Variants in TMBIM4 observed in about 807,000 individuals in gnomAD.
TMBIM4 encodes the protein protein lifeguard 4.
A neutral mutation model predicts 27.7 loss-of-function variants in TMBIM4; 28 were observed. The observed-to-expected ratio is 1.01, with a 90% CI of 0.75 to 1.38. The LOEUF (loss-of-function observed/expected upper bound fraction) is 1.38, where lower values mean the gene tolerates loss of function less well. Ranked by LOEUF, TMBIM4 falls within the 40% of genes most tolerant of loss-of-function variation. The probability of loss-of-function intolerance (pLI) is 0.00; values close to 1 mark genes in which losing one functional copy is unlikely to be tolerated. For missense variants in TMBIM4, 265 were observed against 277.5 expected (o/e 0.95, Z 0.32); for synonymous variants, 115 against 113.1 (o/e 1.02, Z -0.11).
chr12:66,156,220 C>A (rs1039320345), intron 1 of TMBIM4, among the ~76,000 whole-genome samples: 5 of 152,134 alleles, frequency 3.3e-5, no homozygotes, highest in African/African-American at 1.2e-4. Flanking sequence ...TTTGTTGAGT[C>A]CTGATTTCTT....
chr12:66,161,497 T>G (rs1329432710), intron 1 of TMBIM4, among the ~76,000 whole-genome samples: 1 of 152,194 alleles, frequency 6.6e-6, no homozygotes, highest in Non-Finnish European at 1.5e-5. Flanking sequence ...CCTCCCAAAG[T>G]TCTAGAATTA....
At chr12:66,146,213 G>C (rs1322393121) in intron 4 of TMBIM4, among the ~76,000 whole-genome samples, 1 of 152,154 alleles carries the variant, frequency 6.6e-6, no homozygotes, top group Non-Finnish European at 1.5e-5. Context: ...AATGACTGGA[G>C]AGCTATCACG....
At chr12:66,155,098 T>C (rs2051909658) in intron 1 of TMBIM4, among the ~76,000 whole-genome samples, 1 of 152,140 alleles carries the variant, frequency 6.6e-6, no homozygotes, top group South Asian at 2.1e-4. Context: ...AAAAGCAGAG[T>C]AAAGAATATA....
chr12:66,137,170 T>C lies in TMBIM4; in HGVS notation c.*790A>G, dbSNP rs1261322992. The C allele has an allele frequency of 6.6e-6, 1 of 152,232 alleles. No homozygotes were observed. The highest frequency in any genetic ancestry group is 1.5e-5 in the Non-Finnish European group (1 of 68,034). 9.4% of individuals were successfully genotyped at this position (152,232 alleles called of 1,614,324 possible). A position where few individuals can be genotyped will look rare whatever the true frequency, so the allele number is the denominator to read the frequency against. On this transcript the variant is annotated 3_prime_UTR_variant, in exon 7 of 7. Transcript: ENST00000358230. Reference sequence around the variant, plus strand: ...TAATGTAATACTGAATAATTCTCTGTGGAATTTATCTTTTACATTTTTTTC... The same window carrying C: ...TAATGTAATACTGAATAATTCTCTGCGGAATTTATCTTTTACATTTTTTTC...
At chr12:66,164,875 A>C (rs2052099844) in intron 1 of TMBIM4, among the ~76,000 whole-genome samples, 1 of 152,356 alleles carries the variant, frequency 6.6e-6, no homozygotes, top group African/African-American at 2.4e-5. Flanking sequence ...AAATGAATTC[A>C]GCAAAGATTC....
At chr12:66,151,474 AGCAATCT>A (rs63446061) in intron 3 of TMBIM4, among the ~76,000 whole-genome samples, 9,766 of 152,154 alleles carry the variant, frequency 0.064, 1,018 homozygotes, top group African/African-American at 0.22. Context: ...CTCGGACTCC[AGCAATCT>A]GCCCACGTCA....
At chr12:66,156,715 ACT>A (rs1303599662) in intron 1 of TMBIM4, among the ~76,000 whole-genome samples, 1 of 151,832 alleles carries the variant, frequency 6.6e-6, no homozygotes, top group Non-Finnish European at 1.5e-5. Flanking sequence ...TCATCTCAGC[ACT>A]CTCTCTCTTC....
chr12:66,146,062 G>A, intron 4 of TMBIM4, 104 bp from the exon 5 acceptor site: 1 of 575,810 alleles, frequency 1.7e-6, no homozygotes, highest in Non-Finnish European at 3.1e-6. Context: ...TGTACTTTAT[G>A]CCAATAAAAA....
intron 5 of TMBIM4, 108 bp downstream of exon 5, chr12:66,145,733 C>A (rs1203338937): frequency 2.1e-5 from 13 of 631,668 alleles, no homozygotes; most frequent in Non-Finnish European, 2.8e-5. Flanking sequence ...TTATTACCCT[C>A]CATTTTAAAA....
chr12:66,160,580 TA>T (rs1478196566), intron 1 of TMBIM4, among the ~76,000 whole-genome samples: 1 of 152,236 alleles, frequency 6.6e-6, no homozygotes, highest in African/African-American at 2.4e-5. Flanking sequence ...ATAGACTAGT[TA>T]TATATACTAG....
In TMBIM4 at chr12:66,137,836, T is replaced by G. The variant is rs954443473; in HGVS notation, c.*124A>C. On this transcript the variant is annotated 3_prime_UTR_variant, in exon 7 of 7. Transcript: ENST00000358230. ...TACAAATAAAGATTGTAACAGTATT[T>G]AATCATTGTTTCAAACTTTATTACT... 11 of 691,966 alleles carry G rather than the reference T, an allele frequency of 1.6e-5. No individual in the cohort carries two copies. The highest frequency in any genetic ancestry group is 2.6e-5 in the Non-Finnish European group (11 of 423,562). The allele number at this position is 691,966 out of a possible 1,614,324, so 42.9% of individuals were successfully genotyped here. A position where few individuals can be genotyped will look rare whatever the true frequency, so the allele number is the denominator to read the frequency against.
Position 66,153,375 on chromosome 12 carries a change from T to C in TMBIM4, c.171A>G (p.Leu57=). Residue 57 remains leucine, a synonymous_variant, in exon 2 of 7, where the codon TTA becomes TTG. Transcript: ENST00000358230. ...CAAATGTCCGTACAGACTCAAAGTA[T>C]AAAAAAACTGTTGAAGTCACTGTAG... ...LLTTVTSTVF[L]YFESVRTFVH... 6.3e-7 allele frequency: 1 copy of C among 1,598,422 alleles called. No individual in the cohort carries two copies. Among genetic ancestry groups the C allele is most frequent in the South Asian group, 1.1e-5 (1 of 87,890 alleles).
intron 5 of TMBIM4, among the ~76,000 whole-genome samples, chr12:66,140,674 T>A (rs1226677304): frequency 1.3e-5 from 2 of 152,050 alleles, no homozygotes; most frequent in African/African-American, 4.8e-5. Context: ...GGTGGAGGGA[T>A]CACTTGAACC....
intron 6 of TMBIM4, 162 bp from the exon 7 acceptor site, chr12:66,138,328 C>T (rs1317702357): frequency 2.0e-6 from 2 of 982,082 alleles, no homozygotes; most frequent in Non-Finnish European, 2.4e-6. Flanking sequence ...CAAGTCCAAA[C>T]TTGCCTCTGT....
In TMBIM4 at chr12:66,153,387, T is replaced by TG; in HGVS notation, c.158dup (p.Thr54AsnfsTer7). On this transcript the variant is annotated frameshift_variant, in exon 2 of 7. Transcript: ENST00000358230. LOFTEE classifies it high-confidence loss of function. ...CAGACTCAAAGTATAAAAAAACTGTTGAAGTCACTGTAGTTAAGAGAACCT... is the reference window on the plus strand; with the variant it reads ...CAGACTCAAAGTATAAAAAAACTGTTGGAAGTCACTGTAGTTAAGAGAACCT... 1.9e-6 allele frequency: 3 copies of TG among 1,602,922 alleles called. No homozygotes were observed. Among genetic ancestry groups the TG allele is most frequent in the African/African-American group, 1.3e-5 (1 of 74,490 alleles).
chr12:66,158,596 A>C (rs1202586091), intron 1 of TMBIM4, among the ~76,000 whole-genome samples: 1 of 151,794 alleles, frequency 6.6e-6, no homozygotes, highest in African/African-American at 2.4e-5. Flanking sequence ...CAGTGAGCGG[A>C]GATCACACCA....
chr12:66,154,401 C>A (rs1247110999), intron 1 of TMBIM4, among the ~76,000 whole-genome samples: 1 of 152,194 alleles, frequency 6.6e-6, no homozygotes, highest in Non-Finnish European at 1.5e-5. Context: ...TTTCCTTACC[C>A]CCACCACTCA....
intron 1 of TMBIM4, among the ~76,000 whole-genome samples, chr12:66,158,174 C>T (rs1238471852): frequency 1.4e-4 from 20 of 139,354 alleles, no homozygotes; most frequent in East Asian, 2.1e-4. Flanking sequence ...TGCAGTGAGC[C>T]GAGATTGCAC....
At chr12:66,166,253 C>G (rs527313136) in intron 1 of TMBIM4, among the ~76,000 whole-genome samples, 2 of 151,874 alleles carry the variant, frequency 1.3e-5, no homozygotes, top group African/African-American at 2.4e-5. Context: ...TCACTTGAGC[C>G]CACGAGTTTG....
Sources: gnomAD v4.1 joint callset for allele counts (sites outside exome capture counted in the v4.1 genomes callset) on GRCh38, gnomAD v4.1.1 for gene constraint, MANE v1.5 for transcripts, NCBI Gene and HGNC (gene_info 2026-07-23, HGNC 2026-07-21) for gene names.